The following MBOAT2 variants were observed in gnomAD, a reference collection of about 807,000 sequenced individuals.
The protein encoded by MBOAT2 is membrane bound glycerophospholipid O-acyltransferase 2.
MBOAT2 carries 28 observed loss-of-function variants against 63.4 expected under a neutral mutation model. The observed-to-expected ratio is 0.44, with a 90% confidence interval of 0.33 to 0.61. The LOEUF (loss-of-function observed/expected upper bound fraction) is 0.61. Ranked by LOEUF, MBOAT2 falls within the 20% of genes least tolerant of loss-of-function variation. The pLI, the probability that MBOAT2 is intolerant of heterozygous loss-of-function variation, is 0.03. For missense variants in MBOAT2, 470 were observed against 605.8 expected, an observed-to-expected ratio of 0.78 and a Z score of 2.35; for synonymous variants, 211 against 215.6, an observed-to-expected ratio of 0.98 and a Z score of 0.19.
At chr2:8,861,378 A>G (rs1004064385) in intron 11 of MBOAT2, among the ~76,000 whole-genome samples, 7 of 152,184 alleles carry the variant, frequency 4.6e-5, no homozygotes, top group African/African-American at 1.7e-4. Flanking sequence ...GAACTTGAAC[A>G]CCAGGTAGGG....
intron 3 of MBOAT2, among the ~76,000 whole-genome samples, chr2:8,933,300 T>A (rs1667448446): frequency 6.6e-6 from 1 of 152,222 alleles, no homozygotes; most frequent in Admixed American, 6.5e-5. Flanking sequence ...ATATAATTAT[T>A]TTCAAGATCA....
At chr2:8,921,727 T>C (rs1306404650) in intron 3 of MBOAT2, among the ~76,000 whole-genome samples, 1 of 152,222 alleles carries the variant, frequency 6.6e-6, no homozygotes, top group Non-Finnish European at 1.5e-5. Context: ...CTCTATTTCC[T>C]TCTGGCCTCC....
chr2:8,866,803 C>T (rs1258262379), intron 9 of MBOAT2, among the ~76,000 whole-genome samples: 3 of 152,194 alleles, frequency 2.0e-5, no homozygotes, highest in Admixed American at 2.0e-4. Flanking sequence ...TTAACTTACC[C>T]TCTATACTCC....
At chr2:8,944,648 G>GACAC (rs61107364) in intron 2 of MBOAT2, among the ~76,000 whole-genome samples, 13,588 of 140,086 alleles carry the variant, frequency 0.097, 1,106 homozygotes, top group African/African-American at 0.22. Flanking sequence ...CTGTTTGACT[G>GACAC]ACACACACAC....
chr2:8,866,713 T>C (rs936355839), intron 9 of MBOAT2, among the ~76,000 whole-genome samples: 11 of 152,248 alleles, frequency 7.2e-5, no homozygotes, highest in African/African-American at 2.7e-4. Flanking sequence ...TACAGTGCAT[T>C]TGGCCAAAGC....
rs146795028 is a variant in MBOAT2 at position 8,860,718 on chromosome 2, T to G, written c.1232A>C (p.Lys411Thr). ...CCATGTTATAACATCATAAAATAATTTCAGTTGGGAAGGTTCAATGAAATA... is the reference window on the plus strand; with the variant it reads ...CCATGTTATAACATCATAAAATAATGTCAGTTGGGAAGGTTCAATGAAATA... ...RHYFIEPSQL[K>T]LFYDVITWIV... is the part of the protein sequence containing the mutation. The change falls in exon 12 of 13, where the codon AAA (lysine) becomes ACA (threonine). Residue 411 changes from lysine to threonine, a missense_variant. By Grantham distance (78) the Lys-to-Thr change is moderately conservative. Around this residue, in one of 3 missense-constraint regions of MBOAT2, gnomAD observed 376 missense variants for 503.8 expected, o/e 0.75. Transcript: ENST00000305997. 31 of 1,604,692 alleles carry G rather than the reference T, an allele frequency of 1.9e-5. 1 individual carries two copies. The highest frequency in any genetic ancestry group is 1.5e-4 in the African/African-American group (11 of 74,724).
At chr2:8,907,099 T>A (rs983929211) in intron 4 of MBOAT2, among the ~76,000 whole-genome samples, 5 of 152,254 alleles carry the variant, frequency 3.3e-5, no homozygotes, top group Admixed American at 3.3e-4. Flanking sequence ...CTAAATTAAT[T>A]AAAAGTATGC....
intron 3 of MBOAT2, among the ~76,000 whole-genome samples, chr2:8,912,422 C>CAAAGAAA (rs1558607282): frequency 6.3e-4 from 83 of 132,656 alleles, no homozygotes; most frequent in African/African-American, 2.4e-3. Context: ...AAAGACAGGC[C>CAAAGAAA]GGCCGGCCTT....
intron 1 of MBOAT2, among the ~76,000 whole-genome samples, chr2:8,988,156 C>T (rs1671688491): frequency 6.6e-6 from 1 of 152,118 alleles, no homozygotes; most frequent in Admixed American, 6.5e-5. Context: ...TGGCTTTGTC[C>T]TTGGTTAAGC....
chr2:8,941,995 C>T (rs1668084392), intron 3 of MBOAT2, among the ~76,000 whole-genome samples: 1 of 152,146 alleles, frequency 6.6e-6, no homozygotes, highest in African/African-American at 2.4e-5. Flanking sequence ...ACTTTGAACC[C>T]ATCAGAGGTA....
Position 8,853,558 on chromosome 2 carries a change from T to C in MBOAT2, c.*5121A>G, listed in dbSNP as rs1362136927. On this transcript the variant is annotated 3_prime_UTR_variant, in exon 13 of 13. Coordinates refer to ENST00000305997, the MANE Select transcript of MBOAT2 (RefSeq NM_138799.4). ...TCAGTCACCTTTCCCATTTCAAACA[T>C]GTTACTAAGAAACTGCCTAGTCATT... The C allele has an allele frequency of 6.6e-6, 1 of 152,202 alleles. No homozygotes were observed. The highest frequency in any genetic ancestry group is 1.5e-5 in the Non-Finnish European group (1 of 68,032). 9.4% of individuals were successfully genotyped at this position (152,202 alleles called of 1,614,324 possible).
intron 2 of MBOAT2, among the ~76,000 whole-genome samples, chr2:8,951,123 G>A (rs962665417): frequency 2.0e-5 from 3 of 151,884 alleles, no homozygotes; most frequent in African/African-American, 7.3e-5. Context: ...GTATCAGAGT[G>A]ATGCTGGCTT....
chr2:8,920,039 T>G (rs1163452554), intron 3 of MBOAT2, among the ~76,000 whole-genome samples: 1 of 152,212 alleles, frequency 6.6e-6, no homozygotes, highest in Admixed American at 6.6e-5. Context: ...GTGCTGGGGT[T>G]ACAGGCGTGT....
chr2:8,975,979 G>C (rs2103323097), intron 1 of MBOAT2, among the ~76,000 whole-genome samples: 1 of 152,116 alleles, frequency 6.6e-6, no homozygotes, highest in East Asian at 1.9e-4. Flanking sequence ...GGTTCAGCCA[G>C]CAAGAAGCCC....
rs573728559 is a variant in MBOAT2, at chr2:8,951,191, A to G, written c.221+7306T>C. On this transcript the variant is annotated intron_variant, in intron 2 of 12. Transcript: ENST00000305997. The stretch of plus-strand genomic sequence containing the variant: ...TCAATTTTTTTGTAATACTTTCAGT[A>G]GAATACTGGTACCAGCTTTTTTTTT... Among the ~76,000 whole-genome samples, 189 of 149,118 alleles carry G rather than the reference A, an allele frequency of 1.3e-3. 1 individual carries two copies. Among genetic ancestry groups the G allele is most frequent in the Admixed American group, 2.3e-3 (35 of 15,086 alleles).
chr2:9,001,699 A>G (rs538117387), intron 1 of MBOAT2, among the ~76,000 whole-genome samples: 1 of 152,370 alleles, frequency 6.6e-6, no homozygotes, highest in South Asian at 2.1e-4. Flanking sequence ...TCAGTACTGA[A>G]AAGAACTTTC....
rs979588332 is a variant in MBOAT2, at chr2:8,854,161, A to C, written c.*4518T>G. The C allele has an allele frequency of 1.1e-4, 17 of 151,884 alleles. No individual in the cohort carries two copies. The highest frequency in any genetic ancestry group is 1.1e-3 in the Admixed American group (17 of 15,266). 9.4% of individuals were successfully genotyped at this position (151,884 alleles called of 1,614,324 possible). On this transcript the variant is annotated 3_prime_UTR_variant, in exon 13 of 13. Transcript: ENST00000305997. ...TGACTACTTGGTGTTGCAGAAAAAC[A>C]CTGTAGAGACCCTCTATGTTCTAAT... is the stretch of plus-strand genomic sequence containing the variant.
intron 3 of MBOAT2, 51 bp downstream of exon 3, chr2:8,943,136 G>A: frequency 1.9e-6 from 2 of 1,055,284 alleles, no homozygotes; most frequent in Non-Finnish European, 2.7e-6. Flanking sequence ...TTTTGATGCA[G>A]TTCTATTCAA....
chr2:8,987,950 G>T (rs1671678935), intron 1 of MBOAT2, among the ~76,000 whole-genome samples: 1 of 152,040 alleles, frequency 6.6e-6, no homozygotes, highest in Admixed American at 6.6e-5. Flanking sequence ...TTCTCAATCA[G>T]ATGAGAAATA....
Sources: allele counts gnomAD v4.1 joint callset (sites outside exome capture counted in the v4.1 genomes callset), GRCh38; gene constraint gnomAD v4.1.1; regional missense constraint gnomAD v4.1.1; transcripts MANE v1.5; gene names NCBI Gene and HGNC (gene_info 2026-07-23, HGNC 2026-07-21).